The following MARCHF8 variants were observed in gnomAD, a reference collection of about 807,000 sequenced individuals.
MARCHF8 encodes membrane associated ring-CH-type finger 8.
MARCHF8 carries 40 observed loss-of-function variants against 51.6 expected under a neutral mutation model. The ratio of observed to expected loss-of-function variants is 0.77; its 90% CI spans 0.60 to 1.01. The LOEUF (loss-of-function observed/expected upper bound fraction) is 1.01. MARCHF8 is among the 50% of genes least tolerant of loss of function. The probability of loss-of-function intolerance (pLI) is 0.00; values close to 1 mark genes in which losing one functional copy is unlikely to be tolerated. For missense variants in MARCHF8, 685 were observed against 708.6 expected (o/e 0.97, Z 0.38); for synonymous variants, 263 against 280.3 (o/e 0.94, Z 0.62).
intron 2 of MARCHF8, among the ~76,000 whole-genome samples, chr10:45,499,506 G>A (rs1030145661): frequency 2.5e-4 from 38 of 151,970 alleles, no homozygotes; most frequent in Admixed American, 3.9e-4. Context: ...AAAAATTTTT[G>A]CCAAATCCAA....
intron 2 of MARCHF8, among the ~76,000 whole-genome samples, chr10:45,519,404 AGG>A: frequency 6.6e-6 from 1 of 151,624 alleles, no homozygotes; most frequent in East Asian, 1.9e-4. Flanking sequence ...ACATAAGGGA[AGG>A]TTTGGGAAGT....
chr10:45,508,303 G>T (rs1345959156), intron 2 of MARCHF8, among the ~76,000 whole-genome samples: 1 of 139,112 alleles, frequency 7.2e-6, no homozygotes, highest in African/African-American at 2.7e-5. Context: ...GAGGGCCCAT[G>T]AAAGAGGACA....
At chr10:45,580,003 C>CAAAAAAAA (rs34446338) in intron 1 of MARCHF8, among the ~76,000 whole-genome samples, 5 of 36,438 alleles carry the variant, frequency 1.4e-4, no homozygotes, top group Non-Finnish European at 2.0e-4. Flanking sequence ...ACTCCGTCTC[C>CAAAAAAAA]AAAAAAAAAA....
intron 2 of MARCHF8, among the ~76,000 whole-genome samples, chr10:45,509,142 A>G (rs2043445431): frequency 6.6e-6 from 1 of 152,200 alleles, no homozygotes; most frequent in Non-Finnish European, 1.5e-5. Context: ...CTTTCAGACC[A>G]TACCAGTGGC....
intron 2 of MARCHF8, among the ~76,000 whole-genome samples, chr10:45,514,842 A>AG (rs1400921999): frequency 2.0e-5 from 3 of 152,214 alleles, no homozygotes; most frequent in Admixed American, 6.5e-5. Flanking sequence ...GATGTCTGAC[A>AG]GAACAAAACA....
intron 1 of MARCHF8, among the ~76,000 whole-genome samples, chr10:45,554,144 A>G (rs1183761603): frequency 6.6e-6 from 1 of 152,250 alleles, no homozygotes; most frequent in East Asian, 1.9e-4. Context: ...CCTAAAAATG[A>G]AAAGAATTTG....
intron 1 of MARCHF8, among the ~76,000 whole-genome samples, chr10:45,569,067 A>AAAAC (rs1171476855): frequency 6.7e-6 from 1 of 149,924 alleles, no homozygotes; most frequent in Non-Finnish European, 1.5e-5. Flanking sequence ...TCCATCTCAA[A>AAAAC]AAAAAAAAAA....
chr10:45,507,612 T>C (rs886928399), intron 2 of MARCHF8, among the ~76,000 whole-genome samples: 1 of 152,200 alleles, frequency 6.6e-6, no homozygotes, highest in Non-Finnish European at 1.5e-5. Flanking sequence ...AAGCCATTCA[T>C]GAGGGATCCG....
At chr10:45,590,291 C>T (rs2044663797) in intron 1 of MARCHF8, among the ~76,000 whole-genome samples, 1 of 152,094 alleles carries the variant, frequency 6.6e-6, no homozygotes, top group African/African-American at 2.4e-5. Context: ...AATCCTTTGT[C>T]GATTTTTTTG....
chr10:45,472,212 T>A lies in MARCHF8; in HGVS notation c.154-7885A>T, dbSNP rs193176035. Among the ~76,000 whole-genome samples, 200 of 152,246 alleles carry A rather than the reference T, an allele frequency of 1.3e-3. 1 individual carries two copies. The highest frequency in any genetic ancestry group is 4.3e-3 in the African/African-American group (180 of 41,544). On this transcript the variant is annotated intron_variant, in intron 3 of 7. Transcript: ENST00000453424. Reference sequence around the variant, plus strand: ...CCCAGCATGATGGCCCCTCCTCCTTTCTGAGGAGAAAGGGCTTTTCATCCC... The same window carrying A: ...CCCAGCATGATGGCCCCTCCTCCTTACTGAGGAGAAAGGGCTTTTCATCCC...
intron 1 of MARCHF8, among the ~76,000 whole-genome samples, chr10:45,589,189 T>C (rs35506889): frequency 0.062 from 9,399 of 152,146 alleles, 332 homozygotes; most frequent in Non-Finnish European, 0.067. Flanking sequence ...ATAGTTACCA[T>C]AGGCCAGAAA....
chr10:45,531,705 G>A (rs2043888832), intron 2 of MARCHF8, among the ~76,000 whole-genome samples: 1 of 152,158 alleles, frequency 6.6e-6, no homozygotes, highest in South Asian at 2.1e-4. Flanking sequence ...GAAGTTATGG[G>A]CTTCAGCGAG....
At position 45,533,351 on chromosome 10, in the gene MARCHF8, T is replaced by C. The variant is rs540869381; in HGVS notation, c.-78-62A>G. 4 of 1,073,138 alleles carry C rather than the reference T, an allele frequency of 3.7e-6. No homozygotes were observed. In the East Asian group the frequency reaches 8.9e-5, roughly 24 times the overall value. The allele number at this position is 1,073,138 out of a possible 1,614,324, so 66.5% of individuals were successfully genotyped here. On this transcript the variant is annotated intron_variant, in intron 1 of 7. Transcript: ENST00000453424. ...CTAAAACACTTTAAATTTCCAAGAG[T>C]GAGCTTAACATTTTATACTTATATT...
upstream of MARCHF8, among the ~76,000 whole-genome samples, chr10:45,539,381 T>G (rs1473144326): frequency 6.6e-6 from 1 of 152,068 alleles, no homozygotes; most frequent in African/African-American, 2.4e-5. Context: ...GATCTAAAAT[T>G]GACACCTTAA....
At chr10:45,512,040 A>G (rs76057680) in intron 2 of MARCHF8, among the ~76,000 whole-genome samples, 15 of 127,632 alleles carry the variant, frequency 1.2e-4, no homozygotes, top group Middle Eastern at 5.4e-3. Flanking sequence ...TCTAGGAAGT[A>G]AGGAGCGTCT....
intron 2 of MARCHF8, among the ~76,000 whole-genome samples, chr10:45,512,007 G>A (rs1326075127): frequency 2.0e-5 from 3 of 150,130 alleles, no homozygotes; most frequent in Admixed American, 6.6e-5. Flanking sequence ...AGTGAGGAGC[G>A]CCTCTTCCCG....
intron 2 of MARCHF8, among the ~76,000 whole-genome samples, chr10:45,491,041 C>G (rs1229960869): frequency 6.6e-6 from 1 of 152,196 alleles, no homozygotes; most frequent in Non-Finnish European, 1.5e-5. Context: ...GCAGCTAGGA[C>G]TACAGACATG....
chr10:45,545,256 TG>T (rs1343952907), intron 1 of MARCHF8, among the ~76,000 whole-genome samples: 2 of 152,244 alleles, frequency 1.3e-5, no homozygotes, highest in Non-Finnish European at 2.9e-5. Flanking sequence ...TCTCTCTTTC[TG>T]TGGCCCAATG....
At chr10:45,466,960 A>G (rs1447684130) in intron 3 of MARCHF8, among the ~76,000 whole-genome samples, 2 of 152,190 alleles carry the variant, frequency 1.3e-5, no homozygotes, top group African/African-American at 4.8e-5. Flanking sequence ...CACACACGTC[A>G]GGACATGTGT....
Sources: gnomAD v4.1 joint callset for allele counts (sites outside exome capture counted in the v4.1 genomes callset) on GRCh38, gnomAD v4.1.1 for gene constraint, MANE v1.5 for transcripts, NCBI Gene and HGNC (gene_info 2026-07-23, HGNC 2026-07-21) for gene names.